NBAS: variants seen among roughly 807,000 people sequenced by gnomAD.
NBAS encodes NBAS subunit of NRZ tethering complex.
A neutral mutation model predicts 302.5 loss-of-function variants in NBAS; 219 were observed. That is an observed-to-expected ratio of 0.72 (90% CI 0.65 to 0.81). The LOEUF (loss-of-function observed/expected upper bound fraction) is 0.81. Among genes scored for constraint, NBAS ranks in the 30% least tolerant of loss-of-function variants. The pLI is 0.00. For synonymous variants in NBAS, 1,118 were observed against 1,021.6 expected (o/e 1.09, Z -1.80); for missense variants, 2,932 against 2,841.6 (o/e 1.03, Z -0.72).
intron 39 of NBAS, among the ~76,000 whole-genome samples, chr2:15,308,943 G>A (rs948933715): frequency 3.9e-5 from 6 of 152,014 alleles, no homozygotes; most frequent in Admixed American, 6.5e-5. Flanking sequence ...TGGGTGCAGC[G>A]CACCAGCATG....
downstream of NBAS, among the ~76,000 whole-genome samples, chr2:15,162,222 C>G (rs1464007702): frequency 2.0e-5 from 3 of 152,256 alleles, no homozygotes. Context: ...TTTGTCAAGA[C>G]AACACGCATC....
chr2:15,420,325 C>A (rs1677150470), intron 23 of NBAS, among the ~76,000 whole-genome samples: 1 of 152,156 alleles, frequency 6.6e-6, no homozygotes, highest in Non-Finnish European at 1.5e-5. Context: ...AAGAGGTAGA[C>A]TGAGGTGGGC....
intron 21 of NBAS, among the ~76,000 whole-genome samples, chr2:15,433,086 C>T (rs2148494983): frequency 6.6e-6 from 1 of 152,272 alleles, no homozygotes; most frequent in South Asian, 2.1e-4. Context: ...GCTGCCTCAT[C>T]TATTTAGTAA....
chr2:15,229,686 G>A (rs548091010), intron 47 of NBAS, among the ~76,000 whole-genome samples: 1 of 151,830 alleles, frequency 6.6e-6, no homozygotes, highest in Non-Finnish European at 1.5e-5. Context: ...GGAGGCTGAG[G>A]CAGGAGAATT....
intron 28 of NBAS, among the ~76,000 whole-genome samples, chr2:15,384,992 TA>T: frequency 4.2e-5 from 1 of 23,652 alleles, no homozygotes; most frequent in African/African-American, 1.3e-4. Context: ...CAGCAAAAAA[TA>T]TAGTCTTTAA....
chr2:15,393,425 AC>A (rs1675703793), intron 28 of NBAS, among the ~76,000 whole-genome samples: 1 of 152,092 alleles, frequency 6.6e-6, no homozygotes, highest in South Asian at 2.1e-4. Context: ...CACTGACCAC[AC>A]CAAATGTTGA....
intron 11 of NBAS, among the ~76,000 whole-genome samples, chr2:15,494,965 CTG>C (rs1387392858): frequency 6.6e-6 from 1 of 152,212 alleles, no homozygotes; most frequent in South Asian, 2.1e-4. Context: ...TGACAAGACT[CTG>C]TGGCAGCAAT....
At chr2:15,420,768 G>A (rs1177074429) in intron 23 of NBAS, among the ~76,000 whole-genome samples, 1 of 152,098 alleles carries the variant, frequency 6.6e-6, no homozygotes, top group African/African-American at 2.4e-5. Flanking sequence ...AAAATACAAA[G>A]CCAAATCATG....
the NBAS span, among the ~76,000 whole-genome samples, chr2:14,902,819 G>T: frequency 1.3e-5 from 2 of 152,172 alleles, no homozygotes; most frequent in Non-Finnish European, 2.9e-5. Flanking sequence ...AAGCCAGAAA[G>T]TCTGAGAAGA....
the NBAS span, among the ~76,000 whole-genome samples, chr2:15,153,468 C>T: frequency 1.7e-3 from 256 of 152,302 alleles, no homozygotes; most frequent in South Asian, 6.2e-3. Context: ...AATTTTCAAA[C>T]AATCAGAGCT....
the NBAS span, among the ~76,000 whole-genome samples, chr2:14,968,214 C>T: frequency 6.6e-6 from 1 of 152,194 alleles, no homozygotes; most frequent in East Asian, 1.9e-4. Context: ...CCCCATTCCA[C>T]TTCCATGGGA....
At chr2:14,890,986 G>C in the NBAS span, among the ~76,000 whole-genome samples, 1 of 152,090 alleles carries the variant, frequency 6.6e-6, no homozygotes, top group Non-Finnish European at 1.5e-5. Context: ...AGAATAAAAG[G>C]ATTAGAGTTA....
chr2:15,167,027 G>T lies in NBAS; in HGVS notation c.*21C>A, dbSNP rs372128627. On this transcript the variant is annotated 3_prime_UTR_variant, in exon 52 of 52. Transcript: ENST00000281513. Reference sequence around the variant, plus strand: ...AACTCCAGATGCTTTTTCTGCTAAGGAGCAGGGCCACAGGTGGCCCTCACA... The same window carrying T: ...AACTCCAGATGCTTTTTCTGCTAAGTAGCAGGGCCACAGGTGGCCCTCACA... The T allele has an allele frequency of 4.6e-6, 7 of 1,515,914 alleles. No homozygotes were observed. Among genetic ancestry groups the T allele is most frequent in the Non-Finnish European group, 6.2e-6 (7 of 1,131,344 alleles). 93.9% of individuals were successfully genotyped at this position (1,515,914 alleles called of 1,614,324 possible).
chr2:14,842,037 C>T, the NBAS span, among the ~76,000 whole-genome samples: 1 of 151,786 alleles, frequency 6.6e-6, no homozygotes, highest in Admixed American at 6.6e-5. Context: ...TGAGAGCAAC[C>T]TCAGAAACTT....
chr2:14,965,220 G>A, the NBAS span, among the ~76,000 whole-genome samples: 3 of 152,022 alleles, frequency 2.0e-5, no homozygotes, highest in Non-Finnish European at 4.4e-5. Context: ...CAGAAAGATA[G>A]TAAGTAAAGC....
At position 15,314,530 on chromosome 2, in the gene NBAS, T is replaced by C. The variant is rs200315981; in HGVS notation, c.4583-5283A>G. Among the ~76,000 whole-genome samples the C allele has an allele frequency of 5.9e-5, 9 of 152,290 alleles. No homozygotes were observed. The East Asian group carries it at 1.5e-3, about 26-fold the overall frequency. The stretch of plus-strand genomic sequence containing the variant: ...TGAGGGCAAGCTCCTGCCCGTGCCA[T>C]GCTGGGCAGGTAAAACTCAGATAGA... On this transcript the variant is annotated intron_variant, in intron 38 of 51. Coordinates refer to ENST00000281513, the MANE Select transcript of NBAS (RefSeq NM_015909.4).
intron 6 of NBAS, among the ~76,000 whole-genome samples, chr2:15,543,392 T>A (rs1410975176): frequency 6.6e-6 from 1 of 152,224 alleles, no homozygotes; most frequent in Non-Finnish European, 1.5e-5. Flanking sequence ...AGCCCCATTA[T>A]TTTCCACCAG....
At chr2:15,112,290 C>G in the NBAS span, among the ~76,000 whole-genome samples, 2 of 151,514 alleles carry the variant, frequency 1.3e-5, no homozygotes, top group African/African-American at 4.8e-5. Context: ...GAAGGCAAAA[C>G]AAGAGGCAAC....
intron 35 of NBAS, among the ~76,000 whole-genome samples, chr2:15,348,235 T>C (rs1320751301): frequency 6.6e-6 from 1 of 152,176 alleles, no homozygotes. Context: ...TCTAGATCTA[T>C]TACAATTTGC....
Sources: gnomAD v4.1 joint callset for allele counts (sites outside exome capture counted in the v4.1 genomes callset) on GRCh38, gnomAD v4.1.1 for gene constraint, MANE v1.5 for transcripts, NCBI Gene and HGNC (gene_info 2026-07-23, HGNC 2026-07-21) for gene names.